The following SUMF1 variants were observed in gnomAD, a reference collection of about 807,000 sequenced individuals.
SUMF1 encodes sulfatase modifying factor 1, also known as formylglycine-generating enzyme.
In SUMF1, 48 loss-of-function variants were observed where a neutral mutation model predicts 47.6. That is an observed-to-expected ratio of 1.01 (90% CI 0.80 to 1.28). SUMF1 has a LOEUF of 1.28. SUMF1 is among the 50% of genes most tolerant of loss of function. SUMF1 has a pLI of 0.00. For synonymous variants in SUMF1, 230 were observed against 192.1 expected (o/e 1.20, Z -1.63); for missense variants, 571 against 485.4 (o/e 1.18, Z -1.66).
At chr3:4,224,427 C>T (rs1041620843) in intron 8 of SUMF1, among the ~76,000 whole-genome samples, 4 of 151,966 alleles carry the variant, frequency 2.6e-5, no homozygotes, top group Admixed American at 6.6e-5. Context: ...AGCATATTTT[C>T]CCCATCTCTT....
chr3:4,067,549 T>C (rs918191111), intron 9 of SUMF1, among the ~76,000 whole-genome samples: 1 of 152,140 alleles, frequency 6.6e-6, no homozygotes, highest in Non-Finnish European at 1.5e-5. Context: ...TAAGCAATAT[T>C]GGGACAGATA....
At chr3:4,325,954 G>A (rs58955308) in intron 8 of SUMF1, among the ~76,000 whole-genome samples, 1,833 of 152,072 alleles carry the variant, frequency 0.012, 19 homozygotes, top group African/African-American at 0.036. Flanking sequence ...CCAAAGTAGC[G>A]GAGACTACAG....
At chr3:4,126,314 T>C (rs868384329) in intron 8 of SUMF1, among the ~76,000 whole-genome samples, 2 of 151,968 alleles carry the variant, frequency 1.3e-5, no homozygotes, top group Non-Finnish European at 2.9e-5. Flanking sequence ...AAAAATAATA[T>C]TTCTTGACAG....
chr3:4,316,988 T>G, intron 8 of SUMF1: 1 of 1,549,312 alleles, frequency 6.5e-7, no homozygotes. Flanking sequence ...AACCCACACT[T>G]CAAAAGTTGA....
chr3:4,389,335 T>G lies in SUMF1; in HGVS notation c.955-12946A>C, dbSNP rs546684120. 1.1e-3 allele frequency among the ~76,000 whole-genome samples: 122 copies of G among 111,498 alleles called. 2 individuals carry two copies. Among genetic ancestry groups the G allele is most frequent in the East Asian group, 5.8e-4 (3 of 5,176 alleles). The allele number at this position is 111,498 out of a possible 152,430, so 73.1% of individuals were successfully genotyped here. On this transcript the variant is annotated intron_variant, in intron 7 of 8. Coordinates refer to ENST00000272902, the MANE Select transcript of SUMF1 (RefSeq NM_182760.4). ...GAAATCCATTGTCATTCAAATTGTTTTTTTTTTTTTTCCCTATAGGTAAGG... is the reference window on the plus strand; with the variant it reads ...GAAATCCATTGTCATTCAAATTGTTGTTTTTTTTTTTCCCTATAGGTAAGG...
In SUMF1 at chr3:4,372,816, C is replaced by T. The variant is rs544424106; in HGVS notation, c.1014+3514G>A. The stretch of plus-strand genomic sequence containing the variant: ...TAATTTAGTAAAAGCTGTTACTCTT[C>T]ATCTACTGGAAAGGCTAAGCACTCT... On this transcript the variant is annotated intron_variant, in intron 8 of 8. Coordinates refer to ENST00000272902, the MANE Select transcript of SUMF1 (RefSeq NM_182760.4). Among the ~76,000 whole-genome samples, 3 of 152,358 alleles carry T rather than the reference C, an allele frequency of 2.0e-5. No homozygotes were observed. In the South Asian group the frequency reaches 6.2e-4, roughly 32 times the overall value.
intron 7 of SUMF1, among the ~76,000 whole-genome samples, chr3:4,407,808 CA>C (rs1277395365): frequency 6.6e-6 from 1 of 152,118 alleles, no homozygotes; most frequent in African/African-American, 2.4e-5. Flanking sequence ...GCAGAACTTT[CA>C]ATAGACTCAT....
intron 8 of SUMF1, among the ~76,000 whole-genome samples, chr3:4,264,951 T>C (rs1220696625): frequency 6.6e-6 from 1 of 151,966 alleles, no homozygotes; most frequent in Non-Finnish European, 1.5e-5. Flanking sequence ...ATGGCCAACA[T>C]TGTGAGACCC....
intron 8 of SUMF1, among the ~76,000 whole-genome samples, chr3:4,150,600 G>A (rs1468817366): frequency 2.0e-5 from 3 of 151,106 alleles, no homozygotes; most frequent in Non-Finnish European, 4.4e-5. Flanking sequence ...GCCCAGGCTG[G>A]TCTCAAACTC....
chr3:4,245,683 G>T (rs1010331012), intron 8 of SUMF1, among the ~76,000 whole-genome samples: 1 of 152,166 alleles, frequency 6.6e-6, no homozygotes, highest in African/African-American at 2.4e-5. Flanking sequence ...TCCCAGTCAG[G>T]CTACGCAAGG....
At chr3:4,307,454 A>G (rs1447220432) in intron 8 of SUMF1, among the ~76,000 whole-genome samples, 1 of 152,200 alleles carries the variant, frequency 6.6e-6, no homozygotes, top group Admixed American at 6.5e-5. Context: ...GAGCCCTACA[A>G]TCTGTGTCAT....
At chr3:4,251,424 G>A (rs1559613838) in intron 8 of SUMF1, among the ~76,000 whole-genome samples, 1 of 152,166 alleles carries the variant, frequency 6.6e-6, no homozygotes, top group Non-Finnish European at 1.5e-5. Context: ...CAAAGGATTT[G>A]TAATATTACA....
intron 8 of SUMF1, among the ~76,000 whole-genome samples, chr3:4,223,192 G>A (rs1251781352): frequency 6.6e-6 from 1 of 152,144 alleles, no homozygotes; most frequent in Non-Finnish European, 1.5e-5. Flanking sequence ...GGGACTGCTT[G>A]TCTGGCTTCT....
At chr3:4,438,334 G>C (rs946881191) in intron 3 of SUMF1, among the ~76,000 whole-genome samples, 1 of 152,064 alleles carries the variant, frequency 6.6e-6, no homozygotes, top group Non-Finnish European at 1.5e-5. Context: ...AGGCTCCTCT[G>C]AACTCTCCTT....
intron 8 of SUMF1, among the ~76,000 whole-genome samples, chr3:4,176,835 T>C (rs963775719): frequency 6.6e-6 from 1 of 152,108 alleles, no homozygotes; most frequent in Non-Finnish European, 1.5e-5. Context: ...AATGAAGGGA[T>C]AGAGGAAGAT....
At chr3:4,286,532 A>C (rs1212521185) in intron 8 of SUMF1, among the ~76,000 whole-genome samples, 1 of 152,190 alleles carries the variant, frequency 6.6e-6, no homozygotes, top group Non-Finnish European at 1.5e-5. Context: ...CAAAATGATG[A>C]GTAAAATGGT....
chr3:4,095,371 C>T (rs1368214955), intron 8 of SUMF1, among the ~76,000 whole-genome samples: 1 of 152,072 alleles, frequency 6.6e-6, no homozygotes, highest in South Asian at 2.1e-4. Context: ...ACCTCCATGG[C>T]TGCAGAAAAT....
chr3:4,321,510 T>C (rs1160510851), intron 8 of SUMF1, among the ~76,000 whole-genome samples: 1 of 131,932 alleles, frequency 7.6e-6, no homozygotes, highest in Non-Finnish European at 1.6e-5. Context: ...GAAAGAAACC[T>C]ACATTGATGG....
intron 8 of SUMF1, among the ~76,000 whole-genome samples, chr3:4,132,593 T>G (rs1693818410): frequency 6.6e-6 from 1 of 152,090 alleles, no homozygotes; most frequent in Non-Finnish European, 1.5e-5. Context: ...AATTTTTGCT[T>G]CCTGTTTCCA....
Sources: allele counts gnomAD v4.1 joint callset (sites outside exome capture counted in the v4.1 genomes callset), GRCh38; gene constraint gnomAD v4.1.1; transcripts MANE v1.5; gene names NCBI Gene and HGNC (gene_info 2026-07-23, HGNC 2026-07-21).